Variants in LARP4 observed in about 807,000 individuals in gnomAD.
The protein encoded by LARP4 is la-related protein 4.
In LARP4, 29 loss-of-function variants were observed where a neutral mutation model predicts 92.9. The observed-to-expected ratio is 0.31, with a 90% CI of 0.23 to 0.43. The LOEUF is 0.43. LARP4 is among the 20% of genes least tolerant of loss of function. The pLI is 1.00. For synonymous variants in LARP4, 279 were observed against 284.1 expected (o/e 0.98, Z 0.18); for missense variants, 732 against 860.0 (o/e 0.85, Z 1.86).
At chr12:50,457,201 C>CTTTT (rs780762988) in intron 10 of LARP4, among the ~76,000 whole-genome samples, 7 of 119,248 alleles carry the variant, frequency 5.9e-5, no homozygotes, top group Admixed American at 3.7e-4. Flanking sequence ...CATACCCGGC[C>CTTTT]TTTTTTTTTT....
intron 8 of LARP4, among the ~76,000 whole-genome samples, chr12:50,443,611 CTTAA>C (rs1391045923): frequency 2.0e-5 from 3 of 151,444 alleles, no homozygotes; most frequent in Non-Finnish European, 4.4e-5. Flanking sequence ...ATTTTATTTT[CTTAA>C]TTTATTTATT....
chr12:50,427,930 C>A, intron 2 of LARP4, 21 bp downstream of exon 2: 3 of 1,475,572 alleles, frequency 2.0e-6, no homozygotes, highest in South Asian at 2.7e-5. Context: ...AATATTTGGT[C>A]ATAAAAATCA....
intron 1 of LARP4, among the ~76,000 whole-genome samples, chr12:50,427,454 G>A (rs986282916): frequency 6.6e-6 from 1 of 152,018 alleles, no homozygotes; most frequent in African/African-American, 2.4e-5. Flanking sequence ...CGAACTTCCT[G>A]GGCTTATGTG....
chr12:50,463,385 AC>A (rs1448298098), intron 12 of LARP4, among the ~76,000 whole-genome samples: 1 of 134,878 alleles, frequency 7.4e-6, no homozygotes, highest in Non-Finnish European at 1.5e-5. Context: ...GGAGTTGGAT[AC>A]CAGCCTGGGC....
intron 5 of LARP4, 100 bp from the exon 6 acceptor site, chr12:50,437,635 A>G: frequency 3.0e-6 from 2 of 656,794 alleles, no homozygotes; most frequent in East Asian, 5.5e-5. Context: ...AGCCTCTGCA[A>G]ATTTACTCAG....
intron 1 of LARP4, among the ~76,000 whole-genome samples, chr12:50,411,484 C>A (rs1945884928): frequency 6.6e-6 from 1 of 151,694 alleles, no homozygotes; most frequent in African/African-American, 2.4e-5. Context: ...GCTGTGATTA[C>A]AGACGTGCAC....
chr12:50,405,451 GT>G (rs55663620), intron 1 of LARP4, among the ~76,000 whole-genome samples: 126,170 of 150,994 alleles, frequency 0.84, 55,172 homozygotes, highest in East Asian at 0.98. Context: ...TTTATTTACA[GT>G]TTTTTTTTTA....
intron 1 of LARP4, among the ~76,000 whole-genome samples, chr12:50,412,901 C>T (rs896135549): frequency 2.6e-5 from 4 of 151,988 alleles, no homozygotes; most frequent in South Asian, 2.1e-4. Context: ...ATTTTGATGG[C>T]GGTCTAAACT....
chr12:50,453,527 A>G lies in LARP4; in HGVS notation c.872A>G (p.Tyr291Cys), dbSNP rs1244724910. The change falls in exon 9 of 16, where the codon TAT becomes TGT. Residue 291 changes from tyrosine to cysteine, a missense_variant. This residue lies in a region of LARP4 where 264 missense variants were observed against 269.5 expected (regional missense o/e 0.98). Coordinates refer to ENST00000398473, the MANE Select transcript of LARP4 (RefSeq NM_052879.5). ...TATCGATTAATGGATTCTAGTATCT[A>G]TAGTCACCCCATTCAAACTCAAGCA... ...NGYRLMDSSI[Y>C]SHPIQTQAQY... is the part of the protein sequence containing the mutation. 6.2e-7 allele frequency: 1 copy of G among 1,613,260 alleles called. No homozygotes were observed. Among genetic ancestry groups the G allele is most frequent in the South Asian group, 1.1e-5 (1 of 91,066 alleles).
At chr12:50,420,527 C>T (rs1947570667) in intron 1 of LARP4, among the ~76,000 whole-genome samples, 1 of 152,130 alleles carries the variant, frequency 6.6e-6, no homozygotes, top group Admixed American at 6.6e-5. Context: ...CAATTTCACA[C>T]TTAGACTTTT....
At chr12:50,456,997 C>G (rs1454468988) in intron 10 of LARP4, among the ~76,000 whole-genome samples, 1 of 152,158 alleles carries the variant, frequency 6.6e-6, no homozygotes, top group Non-Finnish European at 1.5e-5. Flanking sequence ...ACTGCAACCT[C>G]TGCTTCCCGA....
intron 1 of LARP4, among the ~76,000 whole-genome samples, chr12:50,417,703 T>C (rs1947068405): frequency 6.6e-6 from 1 of 152,186 alleles, no homozygotes; most frequent in Admixed American, 6.5e-5. Flanking sequence ...TAATTAATAA[T>C]TTATATTTTG....
intron 4 of LARP4, among the ~76,000 whole-genome samples, chr12:50,430,785 A>G (rs1949536343): frequency 6.6e-6 from 1 of 151,826 alleles, no homozygotes; most frequent in Non-Finnish European, 1.5e-5. Flanking sequence ...CTCAGCCTCC[A>G]GAGTAGCTGG....
chr12:50,439,939 T>C (rs1950961067), intron 6 of LARP4, among the ~76,000 whole-genome samples: 1 of 152,214 alleles, frequency 6.6e-6, no homozygotes. Context: ...AATGTATGTG[T>C]TGTAAGCAAA....
chr12:50,428,485 C>T (rs1050564422), intron 2 of LARP4, among the ~76,000 whole-genome samples: 4 of 151,900 alleles, frequency 2.6e-5, no homozygotes, highest in Admixed American at 6.6e-5. Context: ...AAGTAGTAGC[C>T]GTGTTTTTGG....
intron 5 of LARP4, among the ~76,000 whole-genome samples, chr12:50,436,091 G>GTGTGTGTGTGTGTATA: frequency 9.5e-6 from 1 of 105,734 alleles, no homozygotes; most frequent in Non-Finnish European, 1.9e-5. Context: ...GTGTGTGTGT[G>GTGTGTGTGTGTGTATA]TATCCCGCTG....
intron 1 of LARP4, among the ~76,000 whole-genome samples, chr12:50,422,570 T>C (rs1475567728): frequency 1.3e-5 from 2 of 152,050 alleles, no homozygotes; most frequent in African/African-American, 4.8e-5. Flanking sequence ...TTATAAGATG[T>C]GTTAATGTGA....
intron 1 of LARP4, among the ~76,000 whole-genome samples, chr12:50,420,599 C>G (rs752191003): frequency 2.4e-4 from 37 of 152,162 alleles, no homozygotes; most frequent in Non-Finnish European, 3.8e-4. Flanking sequence ...TGGCAGCTAA[C>G]CTGATGGCTG....
Position 50,437,828 on chromosome 12 carries a change from C to A in LARP4, c.629C>A (p.Thr210Lys). ...ATTCTTAGAGAGATTCCTGAAACAACACCAATAGAGGTAAATTATTAATAA... is the reference window on the plus strand; with the variant it reads ...ATTCTTAGAGAGATTCCTGAAACAAAACCAATAGAGGTAAATTATTAATAA... ...IVILREIPETTPIEEVKGLFK... is the reference protein window; with the variant it reads ...IVILREIPETKPIEEVKGLFK... The change falls in exon 6 of 16, where the codon ACA becomes AAA. Residue 210 changes from threonine (T) to lysine (K), a missense_variant. Around this residue, in one of 7 missense-constraint regions of LARP4, gnomAD observed 236 missense variants for 307.6 expected, o/e 0.77. Transcript: ENST00000398473. 6.4e-7 allele frequency: 1 copy of A among 1,564,584 alleles called. No homozygotes were observed. The highest frequency in any genetic ancestry group is 8.8e-7 in the Non-Finnish European group (1 of 1,136,592).
Sources: allele counts gnomAD v4.1 joint callset (sites outside exome capture counted in the v4.1 genomes callset), GRCh38; gene constraint gnomAD v4.1.1; regional missense constraint gnomAD v4.1.1; transcripts MANE v1.5; gene names NCBI Gene and HGNC (gene_info 2026-07-23, HGNC 2026-07-21).